FGF17: variants seen among roughly 807,000 people sequenced by gnomAD.
FGF17 encodes fibroblast growth factor 17.
A neutral mutation model predicts 23.5 loss-of-function variants in FGF17; 5 were observed. That is an observed-to-expected ratio of 0.21 (90% CI 0.11 to 0.45). The LOEUF (loss-of-function observed/expected upper bound fraction) is 0.45, where lower values mean the gene tolerates loss of function less well. FGF17 is among the 20% of genes least tolerant of loss of function. FGF17 has a pLI of 0.99. For missense variants in FGF17, 221 were observed against 306.9 expected (o/e 0.72, Z 2.09); for synonymous variants, 136 against 123.0 (o/e 1.11, Z -0.70).
intron 2 of FGF17, 96 bp downstream of exon 2, chr8:22,043,277 A>G (rs1800775130): frequency 1.6e-6 from 2 of 1,249,042 alleles, no homozygotes; most frequent in East Asian, 4.8e-5. Flanking sequence ...GGACAGAGGC[A>G]GAGTCTGGCC....
upstream of FGF17, chr8:22,042,252 T>TG (rs1436906648): frequency 6.5e-6 from 1 of 153,186 alleles, no homozygotes; most frequent in Non-Finnish European, 1.5e-5. Flanking sequence ...CCCAACCTGT[T>TG]GCGCCCAGTA....
chr8:22,047,096 T>C (rs1800903111), intron 4 of FGF17, among the ~76,000 whole-genome samples: 1 of 152,114 alleles, frequency 6.6e-6, no homozygotes, highest in Non-Finnish European at 1.5e-5. Flanking sequence ...CTGGTTTCTC[T>C]ATTTAAATGA....
intron 3 of FGF17, 98 bp downstream of exon 3, chr8:22,046,389 G>C: frequency 6.7e-7 from 1 of 1,503,046 alleles, no homozygotes; most frequent in South Asian, 1.2e-5. Flanking sequence ...CTGTGTCAGG[G>C]CTGAGGGCCC....
upstream of FGF17, among the ~76,000 whole-genome samples, chr8:22,042,101 G>GA (rs1800748314): frequency 6.6e-6 from 1 of 152,176 alleles, no homozygotes; most frequent in Admixed American, 6.5e-5. Context: ...TTCTCAGATG[G>GA]AACTACAGAG....
chr8:22,042,613 C>A, upstream of FGF17: 1 of 573,924 alleles, frequency 1.7e-6, no homozygotes, highest in Non-Finnish European at 3.1e-6. Flanking sequence ...ACCGCTCCAT[C>A]CCTGCACTGG....
At chr8:22,040,416 G>A (rs1010558601), upstream of FGF17, among the ~76,000 whole-genome samples, 4 of 152,236 alleles carry the variant, frequency 2.6e-5, no homozygotes, top group Admixed American at 6.5e-5. Flanking sequence ...CCCCATGGGC[G>A]TAAAGGAGCA....
Position 22,048,597 on chromosome 8 carries a change from A to C in FGF17, c.*348A>C. 3.3e-6 allele frequency: 1 copy of C among 302,776 alleles called. No homozygotes were observed. Among genetic ancestry groups the C allele is most frequent in the Non-Finnish European group, 6.1e-6 (1 of 163,412 alleles). The allele number at this position is 302,776 out of a possible 1,614,324, so 18.8% of individuals were successfully genotyped here. A position where few individuals can be genotyped will look rare whatever the true frequency, so the allele number is the denominator to read the frequency against. On this transcript the variant is annotated 3_prime_UTR_variant, in exon 5 of 5. Coordinates refer to ENST00000359441, the MANE Select transcript of FGF17 (RefSeq NM_003867.4). The surrounding 1 kb of genome is among the most constrained non-coding windows in gnomAD (Gnocchi z 6.9). ...ACCGTCTGGAGGTGGCTGTCCTCAA[A>C]ATCTGCTTCTCGGATCTCCCTCAGT... is the stretch of plus-strand genomic sequence containing the variant.
chr8:22,043,001 A>G, intron 1 of FGF17, 38 bp downstream of exon 1: 1 of 1,610,352 alleles, frequency 6.2e-7, no homozygotes. Flanking sequence ...TTTCGTTGCC[A>G]TTTCCAGCCT....
chr8:22,044,027 T>TCCC (rs570759086), intron 2 of FGF17, among the ~76,000 whole-genome samples: 7 of 146,836 alleles, frequency 4.8e-5, no homozygotes, highest in African/African-American at 1.8e-4. Flanking sequence ...GAGAGACAAT[T>TCCC]CCCCCCCCCT....
At chr8:22,043,752 G>C in intron 2 of FGF17, among the ~76,000 whole-genome samples, 1 of 140,730 alleles carries the variant, frequency 7.1e-6, no homozygotes, top group Non-Finnish European at 1.6e-5. Context: ...CCCCAAGTCG[G>C]CCCCCCACCT....
At chr8:22,044,653 G>C (rs554631513) in intron 2 of FGF17, 6 of 984,850 alleles carry the variant, frequency 6.1e-6, no homozygotes, top group Non-Finnish European at 7.2e-6. Context: ...GGCTGGGCAG[G>C]TCCCCCACCC....
intron 2 of FGF17, chr8:22,045,907 C>G: frequency 1.4e-6 from 2 of 1,472,052 alleles, no homozygotes; most frequent in Admixed American, 4.4e-5. Flanking sequence ...AGACCCCAGT[C>G]CCTTCTGTAA....
intron 1 of FGF17, 79 bp from the exon 2 acceptor site, chr8:22,043,066 G>A: frequency 6.3e-7 from 1 of 1,599,234 alleles, no homozygotes; most frequent in Non-Finnish European, 8.5e-7. Flanking sequence ...GGGGCTGGCA[G>A]GGCGGGGGCG....
At chr8:22,040,254 T>A (rs756995509), upstream of FGF17, among the ~76,000 whole-genome samples, 2 of 152,202 alleles carry the variant, frequency 1.3e-5, no homozygotes, top group Non-Finnish European at 2.9e-5. Flanking sequence ...TCCCTGCTGG[T>A]AGCCATTTCC....
upstream of FGF17, among the ~76,000 whole-genome samples, chr8:22,042,143 C>A (rs545429757): frequency 2.6e-5 from 4 of 152,354 alleles, no homozygotes; most frequent in Admixed American, 6.5e-5. Flanking sequence ...GCCAGGACAC[C>A]CAGCTCTTCT....
chr8:22,045,769 G>A (rs901348607), intron 2 of FGF17: 2 of 1,218,948 alleles, frequency 1.6e-6, no homozygotes, highest in Non-Finnish European at 2.1e-6. Context: ...TGTCCCTAAT[G>A]AGCTGTGTGC....
chr8:22,043,735 C>G (rs551316930), intron 2 of FGF17, among the ~76,000 whole-genome samples: 1 of 145,028 alleles, frequency 6.9e-6, no homozygotes, highest in Non-Finnish European at 1.5e-5. Flanking sequence ...TCTCCACACT[C>G]CCCCCACCCC....
In FGF17 at chr8:22,048,490, CT is replaced by C. The variant is rs1801017000; in HGVS notation, c.*242del. On this transcript the variant is annotated 3_prime_UTR_variant, in exon 5 of 5. Coordinates refer to ENST00000359441, the MANE Select transcript of FGF17 (RefSeq NM_003867.4). This position sits in a 1 kb window ranked among gnomAD's most constrained non-coding sequence, Gnocchi z 6.9. ...GAGAGGAACTGAGTGTCACCCTGAT[CT>C]CAGGCCACCAGCCTCTGCCGGCCTC... is the stretch of plus-strand genomic sequence containing the variant. The C allele has an allele frequency of 5.6e-6, 3 of 535,482 alleles. No homozygotes were observed. Among genetic ancestry groups the C allele is most frequent in the Admixed American group, 3.4e-5 (1 of 29,718 alleles). 33.2% of individuals were successfully genotyped at this position (535,482 alleles called of 1,614,324 possible). A position where few individuals can be genotyped will look rare whatever the true frequency, so the allele number is the denominator to read the frequency against.
upstream of FGF17, among the ~76,000 whole-genome samples, chr8:22,040,405 T>C (rs138292462): frequency 2.0e-3 from 306 of 152,300 alleles, 2 homozygotes; most frequent in African/African-American, 7.1e-3. Context: ...ACCACTGGCT[T>C]CCCCATGGGC....
Sources: allele counts gnomAD v4.1 joint callset (sites outside exome capture counted in the v4.1 genomes callset), GRCh38; gene constraint gnomAD v4.1.1; non-coding constraint Gnocchi (gnomAD v3.1); transcripts MANE v1.5; gene names NCBI Gene and HGNC (gene_info 2026-07-23, HGNC 2026-07-21).